SCARA5: variants seen among roughly 807,000 people sequenced by gnomAD.
SCARA5 encodes the protein scavenger receptor class A, member 5 (putative).
Under a neutral mutation model 46.3 loss-of-function variants are expected in SCARA5, and 45 were observed. The ratio of observed to expected loss-of-function variants is 0.97; its 90% confidence interval spans 0.76 to 1.24. SCARA5 has a LOEUF of 1.24. SCARA5 is among the 50% of genes most tolerant of loss of function. The pLI is 0.00. For synonymous variants in SCARA5, 333 were observed against 306.5 expected, an observed-to-expected ratio of 1.09 and a Z score of -0.90; for missense variants, 680 against 689.0, an observed-to-expected ratio of 0.99 and a Z score of 0.15.
chr8:27,928,116 C>T (rs1807710916), intron 3 of SCARA5, among the ~76,000 whole-genome samples: 1 of 152,224 alleles, frequency 6.6e-6, no homozygotes, highest in Non-Finnish European at 1.5e-5. Context: ...TTATGTCCTT[C>T]CAACAGTCAG....
intron 7 of SCARA5, among the ~76,000 whole-genome samples, chr8:27,880,876 A>AAAAAAAG (rs1806800436): frequency 6.7e-6 from 1 of 150,010 alleles, no homozygotes; most frequent in Non-Finnish European, 1.5e-5. Flanking sequence ...AAAAAAAAAA[A>AAAAAAAG]GTGGGCAGGA....
chr8:27,940,760 G>GTCCACCCATCCATCCATCCATCCA (rs1554573613), intron 3 of SCARA5, among the ~76,000 whole-genome samples: 4 of 128,278 alleles, frequency 3.1e-5, no homozygotes, highest in African/African-American at 1.2e-4. Flanking sequence ...CCAACCATCT[G>GTCCACCCATCCATCCATCCATCCA]TCCATCCATC....
At chr8:27,925,556 C>T (rs569355610) in intron 3 of SCARA5, among the ~76,000 whole-genome samples, 1 of 152,186 alleles carries the variant, frequency 6.6e-6, no homozygotes, top group Non-Finnish European at 1.5e-5. Context: ...TAGGCAATAC[C>T]ATTCAGGACA....
At chr8:27,872,362 T>TA (rs1806653337) in intron 8 of SCARA5, among the ~76,000 whole-genome samples, 1 of 152,226 alleles carries the variant, frequency 6.6e-6, no homozygotes, top group Non-Finnish European at 1.5e-5. Context: ...GACTGGCTAT[T>TA]AAAGTCTTAA....
chr8:27,977,012 C>T (rs1027667468), intron 2 of SCARA5, among the ~76,000 whole-genome samples: 7 of 152,214 alleles, frequency 4.6e-5, no homozygotes, highest in Admixed American at 3.3e-4. Flanking sequence ...GGCTCATAAA[C>T]ACAAATGTAC....
intron 2 of SCARA5, among the ~76,000 whole-genome samples, chr8:27,984,504 T>TCATCTATCCATTCATTCATC (rs71222529): frequency 0.14 from 20,132 of 142,048 alleles, 3,004 homozygotes; most frequent in African/African-American, 0.26. Context: ...ATTTATTCAT[T>TCATCTATCCATTCATTCATC]CATCTATCCA....
chr8:27,872,515 A>C (rs527421452), intron 8 of SCARA5, among the ~76,000 whole-genome samples: 8 of 152,236 alleles, frequency 5.3e-5, no homozygotes, highest in South Asian at 2.1e-4. Flanking sequence ...AGACATTTTC[A>C]GCCCCTGTTG....
rs78870571 is a variant in SCARA5 at position 27,985,821 on chromosome 8, G to T, written c.112+1683C>A. Among the ~76,000 whole-genome samples, 53 of 152,344 alleles carry T rather than the reference G, an allele frequency of 3.5e-4. No individual in the cohort carries two copies. The East Asian group carries it at 9.2e-3, about 27-fold the overall frequency. ...GGACATGGCTAGCATGGCTCCCAAAGTGCCCTCTGACAGAGCTCCCCACAG... is the reference window on the plus strand; with the variant it reads ...GGACATGGCTAGCATGGCTCCCAAATTGCCCTCTGACAGAGCTCCCCACAG... On this transcript the variant is annotated intron_variant, in intron 2 of 8. Transcript: ENST00000354914.
intron 7 of SCARA5, among the ~76,000 whole-genome samples, chr8:27,889,760 G>T (rs1806953614): frequency 6.6e-6 from 1 of 152,210 alleles, no homozygotes; most frequent in Non-Finnish European, 1.5e-5. Flanking sequence ...AGACAGGGTT[G>T]CCTTTGTGAA....
In SCARA5 at chr8:27,987,491, C is replaced by A. The variant is rs1808721434; in HGVS notation, c.112+13G>T. 2 of 1,589,512 alleles carry A rather than the reference C, an allele frequency of 1.3e-6. No homozygotes were observed. The highest frequency in any genetic ancestry group is 1.7e-6 in the Non-Finnish European group (2 of 1,157,836). On this transcript the variant is annotated intron_variant, in intron 2 of 8. Transcript: ENST00000354914. Reference sequence around the variant, plus strand: ...CAGATCTTGTGCCCCAAGTCTGAGCCAGCTGCACTCACCATCCTCACACAG... The same window carrying A: ...CAGATCTTGTGCCCCAAGTCTGAGCAAGCTGCACTCACCATCCTCACACAG...
At chr8:27,984,166 C>A (rs889460405) in intron 2 of SCARA5, among the ~76,000 whole-genome samples, 2 of 152,012 alleles carry the variant, frequency 1.3e-5, no homozygotes, top group African/African-American at 4.8e-5. Context: ...AGATAAGGAT[C>A]AAAGATGCAG....
At chr8:27,924,311 G>T (rs931255907) in intron 3 of SCARA5, among the ~76,000 whole-genome samples, 5 of 152,200 alleles carry the variant, frequency 3.3e-5, no homozygotes, top group Non-Finnish European at 7.3e-5. Flanking sequence ...AAATCAGATG[G>T]AATAAGTTCT....
intron 5 of SCARA5, 134 bp from the exon 6 acceptor site, chr8:27,907,380 A>G: frequency 3.4e-6 from 2 of 580,942 alleles, no homozygotes; most frequent in Non-Finnish European, 6.0e-6. Context: ...TTTTTCTGTT[A>G]ATCTAAAGAT....
intron 3 of SCARA5, among the ~76,000 whole-genome samples, chr8:27,948,263 TGACTTAGGGG>T (rs112909060): frequency 0.011 from 1,652 of 151,984 alleles, 27 homozygotes; most frequent in African/African-American, 0.036. Flanking sequence ...GTGAGGGCGG[TGACTTAGGGG>T]AGGGTCTGGC....
At chr8:27,916,357 A>C (rs2727008) in intron 4 of SCARA5, among the ~76,000 whole-genome samples, 1 of 152,076 alleles carries the variant, frequency 6.6e-6, no homozygotes, top group Non-Finnish European at 1.5e-5. Context: ...ATGTATATAC[A>C]TGTGCATGTG....
rs1342924570 is a variant in SCARA5, at chr8:27,925,780, TGGGCAAAGG to T, written c.242-3544_242-3536del. On this transcript the variant is annotated intron_variant, in intron 3 of 8. Transcript: ENST00000354914. ...AAAAACAAACCACCCCATCAAAAAG[TGGGCAAAGG>T]ATATGAACAGACACTTCTCAAAAGA... Among the ~76,000 whole-genome samples, 5 of 152,172 alleles carry T rather than the reference TGGGCAAAGG, an allele frequency of 3.3e-5. No homozygotes were observed. In the East Asian group the frequency reaches 9.7e-4, roughly 29 times the overall value.
intron 3 of SCARA5, among the ~76,000 whole-genome samples, chr8:27,959,182 G>A (rs1176872738): frequency 1.3e-5 from 2 of 152,182 alleles, no homozygotes; most frequent in Non-Finnish European, 2.9e-5. Flanking sequence ...GCAATGAGCT[G>A]AGATTGCACC....
At chr8:27,941,803 T>C (rs112947027) in intron 3 of SCARA5, among the ~76,000 whole-genome samples, 80 of 80,836 alleles carry the variant, frequency 9.9e-4, no homozygotes, top group African/African-American at 2.3e-3. Flanking sequence ...ACATCATCAT[T>C]ATTATTATTA....
chr8:27,899,768 C>T (rs1807121634), intron 7 of SCARA5, among the ~76,000 whole-genome samples: 1 of 152,236 alleles, frequency 6.6e-6, no homozygotes, highest in Non-Finnish European at 1.5e-5. Flanking sequence ...CAACATTATG[C>T]TGTTTCAAGC....
Sources: allele counts gnomAD v4.1 joint callset (sites outside exome capture counted in the v4.1 genomes callset), GRCh38; gene constraint gnomAD v4.1.1; transcripts MANE v1.5; gene names NCBI Gene and HGNC (gene_info 2026-07-23, HGNC 2026-07-21).